ANAPC4: variants seen among roughly 807,000 people sequenced by gnomAD.
ANAPC4 encodes anaphase promoting complex subunit 4.
ANAPC4 carries 63 observed loss-of-function variants against 119.8 expected under a neutral mutation model. The ratio of observed to expected loss-of-function variants is 0.53; its 90% CI spans 0.43 to 0.65. The LOEUF is 0.65. Ranked by LOEUF, ANAPC4 falls within the 30% of genes least tolerant of loss-of-function variation. The probability of loss-of-function intolerance (pLI) is 0.00; values close to 1 mark genes in which losing one functional copy is unlikely to be tolerated. For synonymous variants in ANAPC4, 283 were observed against 318.6 expected (o/e 0.89, Z 1.19); for missense variants, 716 against 945.1 (o/e 0.76, Z 3.18).
At chr4:25,403,404 T>C (rs1723083915) in intron 17 of ANAPC4, among the ~76,000 whole-genome samples, 1 of 152,218 alleles carries the variant, frequency 6.6e-6, no homozygotes, top group South Asian at 2.1e-4. Flanking sequence ...CTGTTAAAGC[T>C]AACTTGTAGT....
chr4:25,416,248 A>G (rs1723864931), intron 26 of ANAPC4, 177 bp from the exon 27 acceptor site: 2 of 421,038 alleles, frequency 4.8e-6, no homozygotes, highest in Non-Finnish European at 8.3e-6. Flanking sequence ...TATGTGAATA[A>G]TCAGTACAAA....
intron 16 of ANAPC4, among the ~76,000 whole-genome samples, chr4:25,398,318 T>C (rs1014954698): frequency 6.6e-6 from 1 of 152,120 alleles, no homozygotes; most frequent in African/African-American, 2.4e-5. Context: ...TAGGGCATGA[T>C]AAGGTAGGGG....
chr4:25,404,099 G>A (rs1723125502), intron 17 of ANAPC4, among the ~76,000 whole-genome samples: 1 of 152,154 alleles, frequency 6.6e-6, no homozygotes, highest in South Asian at 2.1e-4. Context: ...AAAATTACCT[G>A]TAATGTGCTG....
intron 3 of ANAPC4, among the ~76,000 whole-genome samples, chr4:25,381,331 C>G (rs1721707015): frequency 6.6e-6 from 1 of 152,120 alleles, no homozygotes; most frequent in African/African-American, 2.4e-5. Context: ...TCTTGTCGCC[C>G]AGGCTGGAGT....
At position 25,394,822 on chromosome 4, in the gene ANAPC4, T is replaced by A. The variant is rs369011185; in HGVS notation, c.985-7T>A. 546 of 1,609,272 alleles carry A rather than the reference T, an allele frequency of 3.4e-4. No individual in the cohort carries two copies. Among genetic ancestry groups the A allele is most frequent in the Non-Finnish European group, 4.2e-4 (491 of 1,178,660 alleles). ...GTATGCTAAATATATTTTCCTTTTT[T>A]AATTAGGGCTTGAAAAAGCTTGGCC... On this transcript the variant is annotated splice_polypyrimidine_tract_variant and splice_region_variant and intron_variant, in intron 13 of 28. Transcript: ENST00000315368.
At chr4:25,414,122 C>T in intron 22 of ANAPC4, 1 of 497,368 alleles carries the variant, frequency 2.0e-6, no homozygotes. Flanking sequence ...CTGCCATGTG[C>T]TTAGCACCAA....
intron 17 of ANAPC4, among the ~76,000 whole-genome samples, chr4:25,404,360 G>A (rs946292911): frequency 1.3e-5 from 2 of 152,120 alleles, no homozygotes. Context: ...AACTGAATGA[G>A]ACCTTAGAAG....
intron 21 of ANAPC4, 52 bp downstream of exon 21, chr4:25,409,843 AG>A: frequency 1.5e-6 from 2 of 1,297,820 alleles, no homozygotes; most frequent in Non-Finnish European, 2.2e-6. Context: ...ATTTAAGACT[AG>A]GTCTTGAATA....
At position 25,396,834 on chromosome 4, in the gene ANAPC4, T is replaced by C; in HGVS notation, c.1163-14T>C. 6.2e-7 allele frequency: 1 copy of C among 1,609,698 alleles called. No individual in the cohort carries two copies. The highest frequency in any genetic ancestry group is 2.2e-5 in the East Asian group (1 of 44,824). On this transcript the variant is annotated splice_polypyrimidine_tract_variant and intron_variant, in intron 15 of 28. Coordinates refer to ENST00000315368, the MANE Select transcript of ANAPC4 (RefSeq NM_013367.3). ...TTATTTGACAAATGACGTTTATTTA[T>C]TTTTTCCCTTTAGAAGCTATAACTG...
rs749554010 is a variant in ANAPC4 at position 25,383,247 on chromosome 4, T to C, written c.236-14T>C. On this transcript the variant is annotated splice_polypyrimidine_tract_variant and intron_variant, in intron 3 of 28. Transcript: ENST00000315368. ...GTTACACTAATTTATTCTGATTGTTTTTTCTTGTTTTAGTTTTGGCCTTTG... is the reference window on the plus strand; with the variant it reads ...GTTACACTAATTTATTCTGATTGTTCTTTCTTGTTTTAGTTTTGGCCTTTG... 1.3e-6 allele frequency: 2 copies of C among 1,582,724 alleles called. No individual in the cohort carries two copies. Among genetic ancestry groups the C allele is most frequent in the Non-Finnish European group, 8.6e-7 (1 of 1,167,080 alleles).
intron 16 of ANAPC4, among the ~76,000 whole-genome samples, chr4:25,398,787 A>G (rs1722792136): frequency 1.3e-5 from 2 of 152,104 alleles, no homozygotes; most frequent in Non-Finnish European, 1.5e-5. Context: ...TGAGAATGTA[A>G]TTAACAAGAT....
chr4:25,418,315 G>C lies in ANAPC4; in HGVS notation c.2360G>C (p.Gly787Ala). The change falls in exon 29 of 29, where the codon GGT (glycine) becomes GCT (alanine). Residue 787 changes from glycine (G) to alanine (A), a missense_variant. Physicochemically the swap from Gly to Ala is moderately conservative, Grantham distance 60 (BLOSUM62 0). Transcript: ENST00000315368. ...TCAGAGGCAGAGAACCAACAAGCTG[G>C]TGCTGCCGCTTTAGCTCCAGAGATA... ...SESEAENQQAGAAALAPEIVI... is the reference protein window; with the variant it reads ...SESEAENQQAAAAALAPEIVI... The C allele has an allele frequency of 1.2e-6, 2 of 1,614,036 alleles. No homozygotes were observed. The highest frequency in any genetic ancestry group is 3.3e-5 in the Admixed American group (2 of 60,018).
intron 21 of ANAPC4, chr4:25,413,420 G>A (rs6834554): frequency 0.023 from 9,619 of 426,860 alleles, 157 homozygotes; most frequent in African/African-American, 0.047. Flanking sequence ...GTCTAAGTTT[G>A]TAGTAAGTGA....
intron 10 of ANAPC4, among the ~76,000 whole-genome samples, chr4:25,393,337 G>C (rs1016532844): frequency 6.6e-6 from 1 of 152,166 alleles, no homozygotes; most frequent in Non-Finnish European, 1.5e-5. Flanking sequence ...TGACCAAGCT[G>C]TTGTCTTTTT....
At chr4:25,397,743 G>GTT (rs34051733) in intron 16 of ANAPC4, among the ~76,000 whole-genome samples, 10 of 139,480 alleles carry the variant, frequency 7.2e-5, no homozygotes, top group African/African-American at 1.1e-4. Flanking sequence ...GCCCTTTATA[G>GTT]TTTTTTTTTT....
chr4:25,392,470 A>C, intron 10 of ANAPC4, 49 bp downstream of exon 10: 1 of 1,473,266 alleles, frequency 6.8e-7, no homozygotes, highest in Non-Finnish European at 9.4e-7. Context: ...TCGGCTTCTA[A>C]AGTTCTGTAA....
chr4:25,386,244 A>T (rs574760246), intron 4 of ANAPC4, among the ~76,000 whole-genome samples: 1 of 151,524 alleles, frequency 6.6e-6, no homozygotes, highest in Non-Finnish European at 1.5e-5. Flanking sequence ...CACAGTTATC[A>T]TTCTGTCACC....
chr4:25,411,519 T>C (rs75144993), intron 21 of ANAPC4, among the ~76,000 whole-genome samples: 6,741 of 152,282 alleles, frequency 0.044, 155 homozygotes, highest in South Asian at 0.078. Flanking sequence ...ATCTGTGTAC[T>C]TTCTTTAGGG....
At chr4:25,387,310 T>C (rs1488928109) in intron 4 of ANAPC4, among the ~76,000 whole-genome samples, 1 of 152,354 alleles carries the variant, frequency 6.6e-6, no homozygotes, top group South Asian at 2.1e-4. Flanking sequence ...TAACTTTTCC[T>C]TTCTAATTAA....
Sources: allele counts gnomAD v4.1 joint callset (sites outside exome capture counted in the v4.1 genomes callset), GRCh38; gene constraint gnomAD v4.1.1; transcripts MANE v1.5; gene names NCBI Gene and HGNC (gene_info 2026-07-23, HGNC 2026-07-21).